FBXL17: variants seen among roughly 807,000 people sequenced by gnomAD.
The protein encoded by FBXL17 is F-box and leucine rich repeat protein 17, also known as F-box/LRR-repeat protein 17.
A neutral mutation model predicts 66.2 loss-of-function variants in FBXL17; 22 were observed. That is an observed-to-expected ratio of 0.33 (90% CI 0.24 to 0.47). The LOEUF is 0.47. FBXL17 is among the 20% of genes least tolerant of loss of function. The pLI is 1.00. For synonymous variants in FBXL17, 474 were observed against 400.5 expected, an observed-to-expected ratio of 1.18 and a Z score of -2.19; for missense variants, 878 against 948.2, an observed-to-expected ratio of 0.93 and a Z score of 0.97.
intron 4 of FBXL17, among the ~76,000 whole-genome samples, chr5:108,319,732 T>G (rs535361547): frequency 6.7e-4 from 102 of 151,842 alleles, no homozygotes; most frequent in African/African-American, 2.4e-3. Context: ...TAACTTTCAC[T>G]TTTTCAATTT....
At chr5:107,876,034 G>A (rs1019752958) in intron 8 of FBXL17, among the ~76,000 whole-genome samples, 2 of 152,208 alleles carry the variant, frequency 1.3e-5, no homozygotes, top group African/African-American at 4.8e-5. Context: ...GGACATTAGG[G>A]TGGACCTTTC....
At chr5:108,378,210 TCTC>T (rs1749579513) in intron 1 of FBXL17, among the ~76,000 whole-genome samples, 1 of 151,232 alleles carries the variant, frequency 6.6e-6, no homozygotes, top group African/African-American at 2.4e-5. Context: ...GTTTAGTTTC[TCTC>T]CTCTGCCATA....
intron 7 of FBXL17, among the ~76,000 whole-genome samples, chr5:107,948,783 A>G (rs1435003544): frequency 6.6e-6 from 1 of 152,224 alleles, no homozygotes; most frequent in African/African-American, 2.4e-5. Context: ...TATAAATTTC[A>G]TGCTATAAAA....
chr5:107,861,710 G>C lies in FBXL17; in HGVS notation c.*10C>G. On this transcript the variant is annotated 3_prime_UTR_variant, in exon 9 of 9. Transcript: ENST00000542267. ...TGAATGATCCCAGTGGACTAGGCGA[G>C]GCAGGAGCGCTAGGAGGAGGCGGCA... 1.3e-6 allele frequency: 2 copies of C among 1,567,378 alleles called. No individual in the cohort carries two copies. The highest frequency in any genetic ancestry group is 1.7e-6 in the Non-Finnish European group (2 of 1,154,106).
intron 4 of FBXL17, among the ~76,000 whole-genome samples, chr5:108,250,989 A>T (rs1387115828): frequency 2.0e-5 from 3 of 150,812 alleles, no homozygotes; most frequent in Non-Finnish European, 4.4e-5. Context: ...ATATTGATAG[A>T]TATCTAAGTT....
intron 4 of FBXL17, among the ~76,000 whole-genome samples, chr5:108,345,452 C>T (rs1327289917): frequency 6.6e-6 from 1 of 151,588 alleles, no homozygotes; most frequent in East Asian, 1.9e-4. Flanking sequence ...AAAACTTCTC[C>T]CTCATAAACA....
rs972239679 is a variant in FBXL17 at position 108,077,021 on chromosome 5, C to T, written c.1746-56020G>A. Among the ~76,000 whole-genome samples the T allele has an allele frequency of 8.5e-5, 13 of 152,276 alleles. No individual in the cohort carries two copies. The East Asian group carries it at 2.3e-3, about 27-fold the overall frequency. ...CAAGGTTCCAGACCTAAGGTAAGTA[C>T]AGAATATCACTTTCTGACAGGTCCA... On this transcript the variant is annotated intron_variant, in intron 6 of 8. Coordinates refer to ENST00000542267, the MANE Select transcript of FBXL17 (RefSeq NM_001163315.3).
chr5:108,086,105 C>A (rs1478501743), intron 6 of FBXL17, among the ~76,000 whole-genome samples: 1 of 152,020 alleles, frequency 6.6e-6, no homozygotes, highest in Non-Finnish European at 1.5e-5. Flanking sequence ...AATCCCAGAC[C>A]GTAAAAACCT....
intron 6 of FBXL17, among the ~76,000 whole-genome samples, chr5:108,035,839 A>T (rs1327344750): frequency 6.6e-6 from 1 of 152,184 alleles, no homozygotes; most frequent in Non-Finnish European, 1.5e-5. Context: ...TTATTGCCTG[A>T]TCCAAGCCAG....
intron 5 of FBXL17, among the ~76,000 whole-genome samples, chr5:108,193,723 C>G (rs958513253): frequency 1.3e-4 from 11 of 84,442 alleles, no homozygotes; most frequent in Non-Finnish European, 2.0e-4. Context: ...GAGACAACAG[C>G]AATTGCTAGT....
chr5:108,071,567 T>A (rs985088750), intron 6 of FBXL17, among the ~76,000 whole-genome samples: 1 of 152,034 alleles, frequency 6.6e-6, no homozygotes, highest in South Asian at 2.1e-4. Flanking sequence ...CTTTCCCACC[T>A]CCTTCTCCTC....
chr5:108,219,234 C>T (rs573065690), intron 5 of FBXL17, among the ~76,000 whole-genome samples: 16 of 152,148 alleles, frequency 1.1e-4, no homozygotes, highest in Non-Finnish European at 1.9e-4. Context: ...GTGAAGTCAT[C>T]TGGGATGGGA....
chr5:108,280,675 C>T (rs1025869816), intron 4 of FBXL17, among the ~76,000 whole-genome samples: 2 of 151,032 alleles, frequency 1.3e-5, no homozygotes, highest in African/African-American at 4.9e-5. Context: ...TAGTGTTTAC[C>T]TTGAATGTAA....
intron 1 of FBXL17, among the ~76,000 whole-genome samples, chr5:108,369,328 G>A (rs1331338146): frequency 6.6e-6 from 1 of 152,092 alleles, no homozygotes; most frequent in East Asian, 1.9e-4. Flanking sequence ...TTTCTGGACC[G>A]AACCAATGTA....
intron 4 of FBXL17, among the ~76,000 whole-genome samples, chr5:108,281,095 C>G (rs1408924318): frequency 6.6e-6 from 1 of 151,704 alleles, no homozygotes; most frequent in African/African-American, 2.4e-5. Context: ...ACACCCTACT[C>G]ACAGTATTAA....
At chr5:108,380,416 GT>G (rs2112667076) in intron 1 of FBXL17, among the ~76,000 whole-genome samples, 1 of 152,294 alleles carries the variant, frequency 6.6e-6, no homozygotes, top group African/African-American at 2.4e-5. Flanking sequence ...TACCTGCGAA[GT>G]TTCTAAACCA....
chr5:108,331,009 C>T (rs943094324), intron 4 of FBXL17, among the ~76,000 whole-genome samples: 3 of 152,020 alleles, frequency 2.0e-5, no homozygotes, highest in South Asian at 2.1e-4. Flanking sequence ...GCCGAGACTG[C>T]GCCACTGCAC....
intron 6 of FBXL17, among the ~76,000 whole-genome samples, chr5:108,177,618 C>T (rs1752839515): frequency 6.6e-6 from 1 of 152,012 alleles, no homozygotes; most frequent in African/African-American, 2.4e-5. Context: ...TATATGGTCA[C>T]TCTAGGTCTG....
At chr5:108,318,983 T>C (rs1759495764) in intron 4 of FBXL17, among the ~76,000 whole-genome samples, 1 of 151,872 alleles carries the variant, frequency 6.6e-6, no homozygotes, top group African/African-American at 2.4e-5. Flanking sequence ...AACCCAACCA[T>C]GACTGACTAT....
Sources: gnomAD v4.1 joint callset for allele counts (sites outside exome capture counted in the v4.1 genomes callset) on GRCh38, gnomAD v4.1.1 for gene constraint, MANE v1.5 for transcripts, NCBI Gene and HGNC (gene_info 2026-07-23, HGNC 2026-07-21) for gene names.